Variants in SFMBT1 observed in about 807,000 individuals in gnomAD.
SFMBT1 encodes the protein scm-like with four MBT domains protein 1.
SFMBT1 carries 32 observed loss-of-function variants against 108.7 expected under a neutral mutation model. The observed-to-expected ratio is 0.29, with a 90% confidence interval of 0.22 to 0.40. SFMBT1 has a LOEUF of 0.40. SFMBT1 is among the 10% of genes least tolerant of loss of function. SFMBT1 has a pLI of 1.00. For synonymous variants in SFMBT1, 348 were observed against 369.5 expected, an observed-to-expected ratio of 0.94 and a Z score of 0.67; for missense variants, 816 against 1,059.6, an observed-to-expected ratio of 0.77 and a Z score of 3.19.
At chr3:52,938,052 C>T (rs945137074) in intron 4 of SFMBT1, among the ~76,000 whole-genome samples, 8 of 152,164 alleles carry the variant, frequency 5.3e-5, no homozygotes, top group Admixed American at 5.2e-4. Flanking sequence ...CTTTTTATTG[C>T]TGTCTATAGC....
intron 1 of SFMBT1, among the ~76,000 whole-genome samples, chr3:53,020,462 T>G (rs970823656): frequency 1.3e-5 from 2 of 152,194 alleles, no homozygotes; most frequent in Non-Finnish European, 2.9e-5. Flanking sequence ...TTCACTCTAT[T>G]GAACACATCC....
At chr3:52,971,072 G>T (rs1704324765) in intron 1 of SFMBT1, among the ~76,000 whole-genome samples, 1 of 151,874 alleles carries the variant, frequency 6.6e-6, no homozygotes, top group Non-Finnish European at 1.5e-5. Flanking sequence ...GAGGCTGAGG[G>T]TAAGGCTGCA....
intron 17 of SFMBT1, 79 bp from the exon 18 acceptor site, chr3:52,907,812 A>G: frequency 1.5e-6 from 2 of 1,331,828 alleles, no homozygotes; most frequent in Non-Finnish European, 2.1e-6. Context: ...TTTTATTAGC[A>G]TAGCAAAAAA....
At chr3:53,027,741 G>A (rs894529966) in intron 1 of SFMBT1, among the ~76,000 whole-genome samples, 1 of 152,148 alleles carries the variant, frequency 6.6e-6, no homozygotes. Context: ...AGCAGAGTCC[G>A]TATGTAAATT....
intron 1 of SFMBT1, among the ~76,000 whole-genome samples, chr3:52,987,429 T>C (rs1704963752): frequency 6.6e-6 from 1 of 152,164 alleles, no homozygotes; most frequent in Non-Finnish European, 1.5e-5. Context: ...TACTACATCA[T>C]CATTAGGCCA....
At chr3:52,954,502 G>T in intron 2 of SFMBT1, 91 bp from the exon 3 acceptor site, 2 of 987,504 alleles carry the variant, frequency 2.0e-6, no homozygotes, top group Non-Finnish European at 3.1e-6. Context: ...TAACTTTACA[G>T]AATTTACTTC....
intron 1 of SFMBT1, among the ~76,000 whole-genome samples, chr3:53,005,784 A>T (rs1698718557): frequency 6.6e-6 from 1 of 152,228 alleles, no homozygotes; most frequent in Non-Finnish European, 1.5e-5. Flanking sequence ...CCTGGGATGT[A>T]AACGATGTGA....
In SFMBT1 at chr3:52,906,098, G is replaced by T. The variant is rs373000725; in HGVS notation, c.2460+15C>A. On this transcript the variant is annotated intron_variant, in intron 20 of 20. Transcript: ENST00000394752. ...TAAAGAGACATTACTAAAAATTATAGGTATCTGTGATTACCTGGTCTAGGA... is the reference window on the plus strand; with the variant it reads ...TAAAGAGACATTACTAAAAATTATATGTATCTGTGATTACCTGGTCTAGGA... 2.3e-5 allele frequency: 37 copies of T among 1,613,292 alleles called. No homozygotes were observed. Among genetic ancestry groups the T allele is most frequent in the Non-Finnish European group, 3.0e-5 (35 of 1,179,614 alleles).
intron 1 of SFMBT1, among the ~76,000 whole-genome samples, chr3:52,972,841 AACACACACACACACAC>A (rs55688451): frequency 1.7e-5 from 2 of 118,852 alleles, no homozygotes; most frequent in Non-Finnish European, 3.4e-5. Flanking sequence ...ATCTCTACTA[AACACACACACACACAC>A]ACACACACAC....
At chr3:53,040,754 T>C (rs568665735) in intron 1 of SFMBT1, among the ~76,000 whole-genome samples, 57 of 151,884 alleles carry the variant, frequency 3.8e-4, no homozygotes, top group Non-Finnish European at 7.2e-4. Flanking sequence ...AACCACAGAG[T>C]TCAACAGGTA....
At chr3:52,940,192 T>C (rs1703138546) in intron 4 of SFMBT1, among the ~76,000 whole-genome samples, 1 of 152,230 alleles carries the variant, frequency 6.6e-6, no homozygotes. Context: ...CTCTCTTCTA[T>C]TGTTACTCAC....
At chr3:52,928,502 G>A in intron 8 of SFMBT1, 161 bp from the exon 9 acceptor site, 1 of 671,076 alleles carries the variant, frequency 1.5e-6, no homozygotes, top group Non-Finnish European at 2.3e-6. Flanking sequence ...TATAATTACT[G>A]TTTTAATTAA....
At chr3:52,996,307 GTTCAAGTGATCCTCCTGC>G (rs1390988681) in intron 1 of SFMBT1, among the ~76,000 whole-genome samples, 2 of 145,180 alleles carry the variant, frequency 1.4e-5, no homozygotes, top group Non-Finnish European at 3.1e-5. Context: ...AACCTCCTGG[GTTCAAGTGATCCTCCTGC>G]CTCAGACCTG....
intron 1 of SFMBT1, among the ~76,000 whole-genome samples, chr3:53,009,754 A>T (rs1698879831): frequency 6.6e-6 from 1 of 152,234 alleles, no homozygotes; most frequent in Non-Finnish European, 1.5e-5. Context: ...TAAACCGTGG[A>T]TTAACATGTT....
At chr3:52,918,756 A>G (rs758933046) in intron 12 of SFMBT1, among the ~76,000 whole-genome samples, 1 of 152,072 alleles carries the variant, frequency 6.6e-6, no homozygotes, top group Non-Finnish European at 1.5e-5. Flanking sequence ...ATCTTTATAC[A>G]AAGAGCAAAA....
At chr3:52,939,175 A>T (rs1703109869) in intron 4 of SFMBT1, among the ~76,000 whole-genome samples, 2 of 152,224 alleles carry the variant, frequency 1.3e-5, no homozygotes, top group Admixed American at 1.3e-4. Context: ...CAATACTTTC[A>T]TTAGAACAAT....
chr3:52,967,552 A>G lies in SFMBT1; in HGVS notation c.28+1549T>C, dbSNP rs139170955. Among the ~76,000 whole-genome samples the G allele has an allele frequency of 7.2e-5, 11 of 152,336 alleles. 1 individual carries two copies. The East Asian group carries it at 2.1e-3, about 29-fold the overall frequency. On this transcript the variant is annotated intron_variant, in intron 2 of 20. Transcript: ENST00000394752. The stretch of plus-strand genomic sequence containing the variant: ...ACTCTAAAAGGGTTGATTTTATGGT[A>G]TGTGTATTGCATCTCAAAAAACATA...
chr3:53,039,602 T>C (rs1484997777), intron 1 of SFMBT1, among the ~76,000 whole-genome samples: 1 of 152,160 alleles, frequency 6.6e-6, no homozygotes, highest in Non-Finnish European at 1.5e-5. Flanking sequence ...GTAAAAGTGG[T>C]TAAAATGGTA....
intron 4 of SFMBT1, among the ~76,000 whole-genome samples, chr3:52,937,784 T>C (rs12495610): frequency 0.014 from 2,194 of 152,272 alleles, 187 homozygotes; most frequent in Admixed American, 0.13. Context: ...GGTTTCACCA[T>C]GTTGGCCAGG....
Sources: gnomAD v4.1 joint callset for allele counts (sites outside exome capture counted in the v4.1 genomes callset) on GRCh38, gnomAD v4.1.1 for gene constraint, MANE v1.5 for transcripts, NCBI Gene and HGNC (gene_info 2026-07-23, HGNC 2026-07-21) for gene names.